The following NXF3 variants were observed in gnomAD, a reference collection of about 807,000 sequenced individuals.
NXF3 encodes the protein TAP-like protein 3.
Under a neutral mutation model 48.4 loss-of-function variants are expected in NXF3, and 34 were observed. That is an observed-to-expected ratio of 0.70 (90% CI 0.53 to 0.93). NXF3 has a LOEUF of 0.93. Among genes scored for constraint, NXF3 ranks in the 40% least tolerant of loss-of-function variants. The pLI is 0.00. For synonymous variants in NXF3, 132 were observed against 145.7 expected, an observed-to-expected ratio of 0.91 and a Z score of 0.68; for missense variants, 359 against 406.1, an observed-to-expected ratio of 0.88 and a Z score of 1.00.
At position 103,084,865 on chromosome X, in the gene NXF3, A is replaced by C. The variant is rs1309771223; in HGVS notation, c.47T>G (p.Val16Gly). 1 of 1,210,293 alleles carries C rather than the reference A, an allele frequency of 8.3e-7. No individual in the cohort carries two copies. The highest frequency in any genetic ancestry group is 3.0e-5 in the East Asian group (1 of 33,821). ...GHTTGHTDQV[V>G]QRRARCWDIY... is the part of the protein sequence containing the mutation. ...ATCCCAACATCTTGCTCTTCTTTGA[A>C]CAACTTGATCAGTGTGACCTTAAAT... Residue 16 changes from valine (V) to glycine (G), a missense_variant, in exon 2 of 20, where the codon GTT becomes GGT. Val to Gly is a moderately radical substitution (Grantham distance 109, BLOSUM62 -3). Transcript: ENST00000395065.
intron 18 of NXF3, among the ~76,000 whole-genome samples, chrX:103,076,729 ACAGGTACAGTCACCCCCC>A (rs1378146149): frequency 4.5e-5 from 5 of 110,006 alleles, no homozygotes; most frequent in Non-Finnish European, 9.5e-5. Flanking sequence ...GCTTATCTTT[ACAGGTACAGTCACCCCCC>A]CATCCACCAG....
At position 103,083,470 on chromosome X, in the gene NXF3, A is replaced by G. The variant is rs746794118; in HGVS notation, c.468T>C (p.Phe156=). 2 of 1,209,317 alleles carry G rather than the reference A, an allele frequency of 1.7e-6. No individual in the cohort carries two copies. The highest frequency in any genetic ancestry group is 3.0e-5 in the East Asian group (1 of 33,775). ...FHYENMHASF[F]VENASIAYAL... ...CATAGGCGATGCTGGCATTCTCCAC[A>G]AAGAAGCTGGCATGCATGTTTTCAT... Residue 156 remains phenylalanine, a synonymous_variant, in exon 5 of 20, where the codon TTT becomes TTC. Coordinates refer to ENST00000395065, the MANE Select transcript of NXF3 (RefSeq NM_022052.2).
chrX:103,093,110 A>G lies in NXF3; in HGVS notation c.-87T>C. On this transcript the variant is annotated 5_prime_UTR_variant, in exon 1 of 20. Transcript: ENST00000395065. ...TGGAGAAGATTGAGGAGGGCTGCTG[A>G]CGAAGGCGAGAGCAAGCCTCAAGCC... 1 of 907,934 alleles carries G rather than the reference A, an allele frequency of 1.1e-6. No homozygotes were observed. The highest frequency in any genetic ancestry group is 2.2e-5 in the Admixed American group (1 of 44,736). 74.8% of individuals were successfully genotyped at this position (907,934 alleles called of 1,213,427 possible). A position where few individuals can be genotyped will look rare whatever the true frequency, so the allele number is the denominator to read the frequency against.
At chrX:103,092,653 G>A (rs971082571) in intron 1 of NXF3, among the ~76,000 whole-genome samples, 1 of 113,018 alleles carries the variant, frequency 8.8e-6, no homozygotes, top group Non-Finnish European at 1.9e-5. Flanking sequence ...GGGCCATAAG[G>A]CTAGCCTTGA....
At chrX:103,077,002 ACCT>A (rs1210737567) in intron 18 of NXF3, among the ~76,000 whole-genome samples, 1 of 110,328 alleles carries the variant, frequency 9.1e-6, no homozygotes, top group Non-Finnish European at 1.9e-5. Context: ...TGGCAAATAA[ACCT>A]CCTAAAATGA....
chrX:103,082,408 C>G, intron 8 of NXF3, 44 bp from the exon 9 acceptor site: 2 of 906,667 alleles, frequency 2.2e-6, no homozygotes, highest in Non-Finnish European at 3.2e-6. Context: ...GAAAGAGCAG[C>G]TGGAGGGCCC....
chrX:103,088,374 TA>T, intron 1 of NXF3: 6 of 551,991 alleles, frequency 1.1e-5, no homozygotes, highest in Non-Finnish European at 1.5e-5. Flanking sequence ...ATGGAACATA[TA>T]AAACAATTGG....
chrX:103,084,195 A>G (rs1490664440), intron 3 of NXF3, 147 bp downstream of exon 3: 3 of 654,562 alleles, frequency 4.6e-6, no homozygotes, highest in Non-Finnish European at 7.0e-6. Context: ...TTTACTCTTA[A>G]GATGATCTAG....
chrX:103,086,475 T>C (rs926228921), intron 1 of NXF3, among the ~76,000 whole-genome samples: 1 of 111,260 alleles, frequency 9.0e-6, no homozygotes, highest in Non-Finnish European at 1.9e-5. Context: ...AAGTTTCACT[T>C]TCTAGCCAAA....
At chrX:103,088,525 AATCTGTGGCTC>A (rs1447900181) in intron 1 of NXF3, 6 of 1,087,833 alleles carry the variant, frequency 5.5e-6, no homozygotes, top group South Asian at 1.9e-5. Context: ...AAGACTTGTC[AATCTGTGGCTC>A]ATCAGGTGAG....
Position 103,084,510 on chromosome X carries a change from A to G in NXF3, c.198-15T>C. 8.3e-7 allele frequency: 1 copy of G among 1,210,049 alleles called. No homozygotes were observed. The highest frequency in any genetic ancestry group is 1.1e-6 in the Non-Finnish European group (1 of 893,994). ...TATAGGGAGTGCTGTGAGCAAGTGG[A>G]GAAAAGGTAGTTCACATATGCTCCG... is the stretch of plus-strand genomic sequence containing the variant. On this transcript the variant is annotated splice_polypyrimidine_tract_variant and intron_variant, in intron 2 of 19. Coordinates refer to ENST00000395065, the MANE Select transcript of NXF3 (RefSeq NM_022052.2).
At chrX:103,092,695 C>A (rs140387374) in intron 1 of NXF3, among the ~76,000 whole-genome samples, 8 of 112,768 alleles carry the variant, frequency 7.1e-5, no homozygotes, top group Admixed American at 6.5e-4. Flanking sequence ...GGAGGTAATA[C>A]AATCTACCTT....
chrX:103,080,983 G>A (rs901726908), intron 9 of NXF3: 34 of 208,135 alleles, frequency 1.6e-4, no homozygotes, highest in Admixed American at 7.0e-4. Flanking sequence ...AGTGACGCAG[G>A]CTCAGGAGGC....
rs1251692391 is a variant in NXF3 at position 103,083,837 on chromosome X, T to C, written c.352-145A>G. The C allele has an allele frequency of 1.6e-5, 7 of 431,481 alleles. No homozygotes were observed. In the African/African-American group the frequency reaches 1.7e-4, roughly 11 times the overall value. 35.6% of individuals were successfully genotyped at this position (431,481 alleles called of 1,213,427 possible). A position where few individuals can be genotyped will look rare whatever the true frequency, so the allele number is the denominator to read the frequency against. ...CATTATTGCTAACTTATGTATTTCATTATTATTTCTTTCATTATTTCTAAT... is the reference window on the plus strand; with the variant it reads ...CATTATTGCTAACTTATGTATTTCACTATTATTTCTTTCATTATTTCTAAT... On this transcript the variant is annotated intron_variant, in intron 3 of 19. Transcript: ENST00000395065.
chrX:103,088,608 G>A (rs1443944427), intron 1 of NXF3: 7 of 975,850 alleles, frequency 7.2e-6, no homozygotes, highest in South Asian at 4.3e-5. Flanking sequence ...GAAAACATAC[G>A]TACTAGACAT....
At position 103,077,036 on chromosome X, in the gene NXF3, T is replaced by C. The variant is rs1025369273; in HGVS notation, c.1584+578A>G. Among the ~76,000 whole-genome samples, 37 of 111,134 alleles carry C rather than the reference T, an allele frequency of 3.3e-4. 1 individual carries two copies. Among genetic ancestry groups the C allele is most frequent in the Non-Finnish European group, 7.5e-5 (4 of 53,089 alleles). On this transcript the variant is annotated intron_variant, in intron 18 of 19. Coordinates refer to ENST00000395065, the MANE Select transcript of NXF3 (RefSeq NM_022052.2). ...AATGATTGAGACTTGTCTCATCATT[T>C]TTCTCGATTGACAGAATTCAGAGAA...
chrX:103,076,442 A>G (rs1921872433), intron 18 of NXF3, 141 bp from the exon 19 acceptor site: 2 of 612,241 alleles, frequency 3.3e-6, no homozygotes, highest in Non-Finnish European at 5.4e-6. Flanking sequence ...ACCCTGTGAA[A>G]AGCCAAATGT....
intron 1 of NXF3, among the ~76,000 whole-genome samples, chrX:103,091,581 G>A (rs747065487): frequency 1.8e-5 from 2 of 109,981 alleles, no homozygotes; most frequent in East Asian, 2.9e-4. Flanking sequence ...GCAGGGTAGG[G>A]GGGGTCCTGG....
At chrX:103,082,636 TG>T in intron 8 of NXF3, 123 bp downstream of exon 8, 1 of 592,975 alleles carries the variant, frequency 1.7e-6, no homozygotes, top group Non-Finnish European at 2.8e-6. Flanking sequence ...GCAAAAGCTA[TG>T]GGGAGGAATG....
Sources: gnomAD v4.1 joint callset for allele counts (sites outside exome capture counted in the v4.1 genomes callset) on GRCh38, gnomAD v4.1.1 for gene constraint, MANE v1.5 for transcripts, NCBI Gene and HGNC (gene_info 2026-07-23, HGNC 2026-07-21) for gene names.